Variants in AKAP10 observed in about 807,000 individuals in gnomAD.
AKAP10 encodes A-kinase anchor protein 10, mitochondrial.
Under a neutral mutation model 80.8 loss-of-function variants are expected in AKAP10, and 24 were observed. The observed-to-expected ratio is 0.30, with a 90% CI of 0.22 to 0.42. The LOEUF (loss-of-function observed/expected upper bound fraction) is 0.42, where lower values mean the gene tolerates loss of function less well. AKAP10 is among the 10% of genes least tolerant of loss of function. The probability of loss-of-function intolerance (pLI) is 1.00; values close to 1 mark genes in which losing one functional copy is unlikely to be tolerated. For missense variants in AKAP10, 661 were observed against 794.9 expected (o/e 0.83, Z 2.03); for synonymous variants, 291 against 277.7 (o/e 1.05, Z -0.48).
At position 19,958,429 on chromosome 17, in the gene AKAP10, A is replaced by C; in HGVS notation, c.462T>G (p.Phe154Leu). 6.2e-7 allele frequency: 1 copy of C among 1,614,186 alleles called. No individual in the cohort carries two copies. The highest frequency in any genetic ancestry group is 8.5e-7 in the Non-Finnish European group (1 of 1,180,048). The change falls in exon 4 of 15, where the codon TTT (phenylalanine) becomes TTG (leucine). Residue 154 changes from phenylalanine (F) to leucine (L), a missense_variant. Transcript: ENST00000225737. Reference protein sequence around the residue: ...ELRRMEHLVKFWLEAESFHST... With the variant: ...ELRRMEHLVKLWLEAESFHST... The stretch of plus-strand genomic sequence containing the variant: ...AATGAAAACTTTCAGCCTCTAACCA[A>C]AATTTCACCAAATGCTCCATTCGCC...
At chr17:19,907,410 C>CTTTTTTTTTTTTTT (rs59027197) in intron 14 of AKAP10, among the ~76,000 whole-genome samples, 1 of 136,412 alleles carries the variant, frequency 7.3e-6, no homozygotes, top group African/African-American at 2.7e-5. Flanking sequence ...TTTTCTTTAA[C>CTTTTTTTTTTTTTT]TTTTTTTTTT....
chr17:19,968,418 A>C lies in AKAP10; in HGVS notation c.132T>G (p.Ile44Met). The change falls in exon 2 of 15, where the codon ATT becomes ATG. Residue 44 changes from isoleucine to methionine, a missense_variant. By Grantham distance (10) the Ile-to-Met change is conservative. Coordinates refer to ENST00000225737, the MANE Select transcript of AKAP10 (RefSeq NM_007202.4). ...ACTGCCAAGGGCAGAACTTACCTTT[A>C]ATGGACTTCACATCTGAGGTCTTCT... The part of the protein sequence containing the change: ...EQEKTSDVKS[I>M]KASISVHSPQ... 6.2e-7 allele frequency: 1 copy of C among 1,613,440 alleles called. No homozygotes were observed. The highest frequency in any genetic ancestry group is 8.5e-7 in the Non-Finnish European group (1 of 1,179,578).
At chr17:19,933,040 CGT>C (rs2042954311) in intron 9 of AKAP10, among the ~76,000 whole-genome samples, 1 of 151,772 alleles carries the variant, frequency 6.6e-6, no homozygotes, top group Non-Finnish European at 1.5e-5. Context: ...TTTTTTGAGA[CGT>C]ATTTTCGCTT....
In AKAP10 at chr17:19,904,566, A is replaced by C. The variant is rs112588984; in HGVS notation, c.*1661T>G. 1 of 152,314 alleles carries C rather than the reference A, an allele frequency of 6.6e-6. No individual in the cohort carries two copies. Among genetic ancestry groups the C allele is most frequent in the Non-Finnish European group, 1.5e-5 (1 of 68,030 alleles). The allele number at this position is 152,314 out of a possible 1,614,324, so 9.4% of individuals were successfully genotyped here. A position where few individuals can be genotyped will look rare whatever the true frequency, so the allele number is the denominator to read the frequency against. On this transcript the variant is annotated 3_prime_UTR_variant, in exon 15 of 15. Coordinates refer to ENST00000225737, the MANE Select transcript of AKAP10 (RefSeq NM_007202.4). ...GAAGTGGATGGAAATATTTTGTTAA[A>C]AGAACAAAATGAATTAATCACAGCA...
At chr17:19,913,456 T>C (rs983538666) in intron 12 of AKAP10, among the ~76,000 whole-genome samples, 2 of 152,078 alleles carry the variant, frequency 1.3e-5, no homozygotes, top group Non-Finnish European at 2.9e-5. Flanking sequence ...CCGGCCCTAA[T>C]TGTTGTATTT....
chr17:19,964,843 C>A (rs1441470059), intron 2 of AKAP10, among the ~76,000 whole-genome samples: 1 of 152,172 alleles, frequency 6.6e-6, no homozygotes, highest in African/African-American at 2.4e-5. Context: ...CAGTGAGCTG[C>A]GCGATCTCGC....
At chr17:19,969,530 C>T (rs2043467687) in intron 1 of AKAP10, among the ~76,000 whole-genome samples, 1 of 149,640 alleles carries the variant, frequency 6.7e-6, no homozygotes, top group African/African-American at 2.4e-5. Flanking sequence ...TTTTAACCCT[C>T]TTTTCTTGTT....
rs924990125 is a variant in AKAP10 at position 19,947,493 on chromosome 17, T to A, written c.890A>T (p.Asp297Val). The A allele has an allele frequency of 1.2e-5, 19 of 1,610,646 alleles. No homozygotes were observed. The highest frequency in any genetic ancestry group is 2.2e-5 in the East Asian group (1 of 44,838). Residue 297 changes from aspartate (D) to valine (V), a missense_variant, in exon 5 of 15, where the codon GAT becomes GTT. Coordinates refer to ENST00000225737, the MANE Select transcript of AKAP10 (RefSeq NM_007202.4). Reference protein sequence around the residue: ...SGKLMKSIEQDAVNTFTKYIS... With the variant: ...SGKLMKSIEQVAVNTFTKYIS... The stretch of plus-strand genomic sequence containing the variant: ...ATATTTGGTAAAAGTATTCACTGCA[T>A]CTTGTTCTATACCTGCAAGGGAAGA...
intron 8 of AKAP10, 31 bp downstream of exon 8, chr17:19,939,682 T>C: frequency 1.2e-6 from 2 of 1,602,094 alleles, no homozygotes; most frequent in Non-Finnish European, 1.7e-6. Flanking sequence ...TCAATAAGTA[T>C]CTGCTGAATC....
Position 19,946,166 on chromosome 17 carries a change from A to AATATATATT in AKAP10, c.976+1240_976+1241insAATATATAT, listed in dbSNP as rs1567764988. ...TATATTAGTATATATACTAATATAT[A>AATATATATT]ATATATACTATATATGCATATATAC... is the stretch of plus-strand genomic sequence containing the variant. On this transcript the variant is annotated intron_variant, in intron 5 of 14. Coordinates refer to ENST00000225737, the MANE Select transcript of AKAP10 (RefSeq NM_007202.4). Among the ~76,000 whole-genome samples, 9 of 104,092 alleles carry AATATATATT rather than the reference A, an allele frequency of 8.6e-5. 1 individual carries two copies. Among genetic ancestry groups the AATATATATT allele is most frequent in the African/African-American group, 3.5e-4 (9 of 25,742 alleles). 68.3% of individuals were successfully genotyped at this position (104,092 alleles called of 152,430 possible).
chr17:19,916,810 G>A (rs542076124), intron 12 of AKAP10, among the ~76,000 whole-genome samples: 14 of 151,154 alleles, frequency 9.3e-5, no homozygotes, highest in Non-Finnish European at 1.9e-4. Context: ...GGTGGCGAGC[G>A]CCTGTGGTCC....
intron 10 of AKAP10, among the ~76,000 whole-genome samples, chr17:19,926,093 C>T (rs2042872675): frequency 6.6e-6 from 1 of 152,080 alleles, no homozygotes; most frequent in South Asian, 2.1e-4. Flanking sequence ...TAAATGGAAT[C>T]CAGCAGCATA....
intron 1 of AKAP10, among the ~76,000 whole-genome samples, chr17:19,970,820 C>CT (rs2043486250): frequency 6.6e-6 from 1 of 150,476 alleles, no homozygotes. Context: ...AAGACTCTGT[C>CT]TTAAAAAAAA....
At chr17:19,934,552 A>T (rs2042972679) in intron 9 of AKAP10, among the ~76,000 whole-genome samples, 1 of 152,210 alleles carries the variant, frequency 6.6e-6, no homozygotes, top group South Asian at 2.1e-4. Flanking sequence ...AAAATACGTA[A>T]TAATAATAGT....
chr17:19,957,939 AT>A, intron 4 of AKAP10, 74 bp downstream of exon 4: 1 of 1,403,498 alleles, frequency 7.1e-7, no homozygotes, highest in East Asian at 2.3e-5. Context: ...TTTATTCCTC[AT>A]CTGAAGTTCT....
At chr17:19,931,452 G>A (rs925972627) in intron 10 of AKAP10, among the ~76,000 whole-genome samples, 3 of 150,034 alleles carry the variant, frequency 2.0e-5, no homozygotes, top group Admixed American at 6.6e-5. Context: ...GTGCAGTGGC[G>A]TGATTTTGGT....
chr17:19,922,495 C>T (rs1345910743), intron 11 of AKAP10, among the ~76,000 whole-genome samples: 4 of 152,038 alleles, frequency 2.6e-5, no homozygotes, highest in Non-Finnish European at 4.4e-5. Flanking sequence ...AGCCGCCTGC[C>T]GAGGCCTCCC....
At chr17:19,914,437 G>A (rs976632590) in intron 12 of AKAP10, among the ~76,000 whole-genome samples, 2 of 152,010 alleles carry the variant, frequency 1.3e-5, no homozygotes, top group South Asian at 2.1e-4. Context: ...GATTGCTTGC[G>A]GCAGGAGCTT....
In AKAP10 at chr17:19,907,925, G is replaced by A. The variant is rs1223786306; in HGVS notation, c.1983+1256C>T. ...TTTGCCCAGACCAGAGTGCAGTGGT[G>A]CGATCTCGGCTCACTGCAACCTTCA... On this transcript the variant is annotated intron_variant, in intron 14 of 14. Coordinates refer to ENST00000225737, the MANE Select transcript of AKAP10 (RefSeq NM_007202.4). 2.0e-5 allele frequency among the ~76,000 whole-genome samples: 3 copies of A among 151,306 alleles called. No homozygotes were observed. In the East Asian group the frequency reaches 5.9e-4, roughly 30 times the overall value.
Sources: gnomAD v4.1 joint callset for allele counts (sites outside exome capture counted in the v4.1 genomes callset) on GRCh38, gnomAD v4.1.1 for gene constraint, MANE v1.5 for transcripts, NCBI Gene and HGNC (gene_info 2026-07-23, HGNC 2026-07-21) for gene names.